RALYL: variants seen among roughly 807,000 people sequenced by gnomAD.
RALYL encodes RNA-binding Raly-like protein.
Under a neutral mutation model 35.1 loss-of-function variants are expected in RALYL, and 29 were observed. The ratio of observed to expected loss-of-function variants is 0.83; its 90% CI spans 0.61 to 1.13. The LOEUF (loss-of-function observed/expected upper bound fraction) is 1.13, where lower values mean the gene tolerates loss of function less well. RALYL is among the 50% of genes most tolerant of loss of function. The pLI is 0.00. For missense variants in RALYL, 359 were observed against 360.4 expected, an observed-to-expected ratio of 1.00 and a Z score of 0.03; for synonymous variants, 120 against 127.6, an observed-to-expected ratio of 0.94 and a Z score of 0.40.
chr8:84,216,534 A>T (rs554295362), intron 1 of RALYL, among the ~76,000 whole-genome samples: 13 of 152,152 alleles, frequency 8.5e-5, no homozygotes, highest in Non-Finnish European at 1.8e-4. Flanking sequence ...ATCATCTCAC[A>T]TAGTTTCTCT....
intron 2 of RALYL, among the ~76,000 whole-genome samples, chr8:84,676,965 C>T (rs1342685167): frequency 6.6e-6 from 1 of 152,072 alleles, no homozygotes; most frequent in Non-Finnish European, 1.5e-5. Flanking sequence ...CCACACCTGG[C>T]TAATTTTTGT....
intron 1 of RALYL, among the ~76,000 whole-genome samples, chr8:84,257,689 A>C (rs1157373770): frequency 1.3e-5 from 2 of 152,138 alleles, no homozygotes; most frequent in Non-Finnish European, 2.9e-5. Flanking sequence ...GGCAACAGAC[A>C]CTTGTCATAC....
intron 2 of RALYL, among the ~76,000 whole-genome samples, chr8:84,767,086 A>G (rs1054079315): frequency 1.3e-5 from 2 of 152,170 alleles, no homozygotes; most frequent in African/African-American, 4.8e-5. Context: ...AAAGCATGAA[A>G]TAATAGAAAT....
chr8:84,641,275 TAAG>T (rs1182712795), intron 2 of RALYL, among the ~76,000 whole-genome samples: 3 of 151,702 alleles, frequency 2.0e-5, no homozygotes. Flanking sequence ...TTTTTTAACA[TAAG>T]AATACAACTT....
chr8:84,315,823 A>AC (rs1843657307), intron 1 of RALYL, among the ~76,000 whole-genome samples: 2 of 151,990 alleles, frequency 1.3e-5, no homozygotes, highest in African/African-American at 4.8e-5. Context: ...TGCCTGAAAA[A>AC]AAAAAAAAAC....
intron 1 of RALYL, among the ~76,000 whole-genome samples, chr8:84,393,483 T>C (rs1205954137): frequency 6.6e-6 from 1 of 152,036 alleles, no homozygotes; most frequent in Admixed American, 6.6e-5. Context: ...ATCCCTTCAA[T>C]GACGCTATGT....
chr8:84,912,007 T>C (rs1391513283), intron 8 of RALYL, among the ~76,000 whole-genome samples: 2 of 152,074 alleles, frequency 1.3e-5, no homozygotes, highest in Non-Finnish European at 2.9e-5. Context: ...TTAAATTTCA[T>C]GTTCAAGAGT....
At chr8:84,206,346 A>G (rs1030046964) in intron 1 of RALYL, among the ~76,000 whole-genome samples, 1 of 152,150 alleles carries the variant, frequency 6.6e-6, no homozygotes, top group Non-Finnish European at 1.5e-5. Flanking sequence ...ACCTAAAGTC[A>G]GGTGACCTCA....
intron 8 of RALYL, among the ~76,000 whole-genome samples, chr8:84,900,732 T>C (rs1200335881): frequency 6.6e-6 from 1 of 152,132 alleles, no homozygotes; most frequent in Admixed American, 6.6e-5. Context: ...AATTTTTTAA[T>C]TGCATAAGCA....
chr8:84,343,888 G>GT (rs35985007), intron 1 of RALYL, among the ~76,000 whole-genome samples: 49 of 148,278 alleles, frequency 3.3e-4, no homozygotes, highest in South Asian at 3.2e-3. Context: ...TTGTTTGTTT[G>GT]TTTTTTTTTT....
chr8:84,470,209 A>G (rs892052860), intron 1 of RALYL, among the ~76,000 whole-genome samples: 8 of 152,186 alleles, frequency 5.3e-5, no homozygotes, highest in Non-Finnish European at 4.4e-5. Flanking sequence ...TTACTTGATT[A>G]AAGATGTACA....
rs192204824 is a variant in RALYL, at chr8:84,321,778, T to A, written c.-24+137354T>A. ...TTACCACACATCAACAAAGCTCTAG[T>A]ATAATAATAAATTACAGCTGAAAGA... On this transcript the variant is annotated intron_variant, in intron 1 of 8. Transcript: ENST00000521268. Among the ~76,000 whole-genome samples the A allele has an allele frequency of 4.0e-4, 61 of 152,232 alleles. No individual in the cohort carries two copies. The East Asian group carries it at 0.012, about 29-fold the overall frequency.
At chr8:84,901,765 T>C (rs1297497545) in intron 8 of RALYL, among the ~76,000 whole-genome samples, 1 of 152,036 alleles carries the variant, frequency 6.6e-6, no homozygotes, top group East Asian at 1.9e-4. Flanking sequence ...GGACTGAAGT[T>C]TGGGGTCCTG....
chr8:84,196,648 C>A (rs888930801), intron 1 of RALYL, among the ~76,000 whole-genome samples: 1 of 152,130 alleles, frequency 6.6e-6, no homozygotes, highest in Non-Finnish European at 1.5e-5. Context: ...TAGAACAGTG[C>A]AAATATAGAG....
intron 1 of RALYL, among the ~76,000 whole-genome samples, chr8:84,366,429 G>A (rs1854285612): frequency 6.6e-6 from 1 of 152,130 alleles, no homozygotes; most frequent in African/African-American, 2.4e-5. Context: ...AACTACCAAA[G>A]ATCTGCAGTA....
chr8:84,708,791 T>C (rs1204901812), intron 2 of RALYL, among the ~76,000 whole-genome samples: 2 of 152,160 alleles, frequency 1.3e-5, no homozygotes, highest in Admixed American at 6.6e-5. Context: ...GAAAACATTT[T>C]TGGAGTTTTA....
At chr8:84,660,186 A>C (rs770894125) in intron 2 of RALYL, among the ~76,000 whole-genome samples, 1 of 152,134 alleles carries the variant, frequency 6.6e-6, no homozygotes, top group Non-Finnish European at 1.5e-5. Context: ...TATTTGTTCT[A>C]AATTTTCAAA....
rs71271988 is a variant in RALYL, at chr8:84,428,077, G to GTCTCTCTC, written c.-23-101199_-23-101192dup. 1.4e-3 allele frequency among the ~76,000 whole-genome samples: 176 copies of GTCTCTCTC among 129,366 alleles called. 1 individual carries two copies. The highest frequency in any genetic ancestry group is 4.4e-3 in the African/African-American group (155 of 34,970). 84.9% of individuals were successfully genotyped at this position (129,366 alleles called of 152,430 possible). ...TCCGGCTCGCTTGCGCTTGCTCGCT[G>GTCTCTCTC]TCTCTCTCTCTCTCTCTCTCTCTCT... is the stretch of plus-strand genomic sequence containing the variant. On this transcript the variant is annotated intron_variant, in intron 1 of 8. Transcript: ENST00000521268.
chr8:84,656,318 A>C (rs897965546), intron 2 of RALYL, among the ~76,000 whole-genome samples: 12 of 152,134 alleles, frequency 7.9e-5, no homozygotes, highest in Non-Finnish European at 1.6e-4. Context: ...ATTGATCAGC[A>C]ACTCTTTTGG....
Sources: allele counts gnomAD v4.1 joint callset (sites outside exome capture counted in the v4.1 genomes callset), GRCh38; gene constraint gnomAD v4.1.1; transcripts MANE v1.5; gene names NCBI Gene and HGNC (gene_info 2026-07-23, HGNC 2026-07-21).